Variants in CNTNAP2 observed in about 807,000 individuals in gnomAD.
The protein encoded by CNTNAP2 is contactin associated protein 2, also known as contactin-associated protein-like 2.
A neutral mutation model predicts 155.2 loss-of-function variants in CNTNAP2; 98 were observed. That is an observed-to-expected ratio of 0.63 (90% confidence interval 0.54 to 0.75). The LOEUF (loss-of-function observed/expected upper bound fraction) is 0.75. Ranked by LOEUF, CNTNAP2 falls within the 30% of genes least tolerant of loss-of-function variation. The pLI is 0.00. For synonymous variants in CNTNAP2, 651 were observed against 631.2 expected, an observed-to-expected ratio of 1.03 and a Z score of -0.47; for missense variants, 1,727 against 1,688.1, an observed-to-expected ratio of 1.02 and a Z score of -0.40.
chr7:146,396,690 T>G (rs1269752927), intron 1 of CNTNAP2, among the ~76,000 whole-genome samples: 1 of 149,026 alleles, frequency 6.7e-6, no homozygotes, highest in African/African-American at 2.5e-5. Flanking sequence ...TCTGTTAGTT[T>G]TGGAGAATAT....
intron 1 of CNTNAP2, among the ~76,000 whole-genome samples, chr7:146,651,919 A>T (rs1799919330): frequency 6.6e-6 from 1 of 152,180 alleles, no homozygotes; most frequent in South Asian, 2.1e-4. Context: ...CCACGTGCAC[A>T]CAATGGATGG....
chr7:146,643,241 A>G (rs375305222), intron 1 of CNTNAP2, among the ~76,000 whole-genome samples: 3 of 149,776 alleles, frequency 2.0e-5, no homozygotes, highest in East Asian at 3.9e-4. Flanking sequence ...GCCCATGCCT[A>G]TGTCCTGAAT....
At chr7:146,920,129 A>C (rs1796471924) in intron 3 of CNTNAP2, among the ~76,000 whole-genome samples, 1 of 152,214 alleles carries the variant, frequency 6.6e-6, no homozygotes, top group Non-Finnish European at 1.5e-5. Context: ...AATGTGAAAT[A>C]CTGGCCAGGC....
chr7:146,713,115 A>G (rs1481860285), intron 1 of CNTNAP2, among the ~76,000 whole-genome samples: 1 of 152,156 alleles, frequency 6.6e-6, no homozygotes, highest in African/African-American at 2.4e-5. Context: ...TAAATATAAC[A>G]TTAGTAATGC....
At chr7:148,369,957 G>C (rs1039756268) in intron 21 of CNTNAP2, among the ~76,000 whole-genome samples, 3 of 152,158 alleles carry the variant, frequency 2.0e-5, no homozygotes, top group Admixed American at 6.5e-5. Context: ...ATTCAAGAGA[G>C]ATTAGAATTC....
At chr7:146,451,148 G>A (rs1437594773) in intron 1 of CNTNAP2, among the ~76,000 whole-genome samples, 4 of 152,006 alleles carry the variant, frequency 2.6e-5, no homozygotes, top group Non-Finnish European at 5.9e-5. Flanking sequence ...GGGTTTCACC[G>A]TGTTAGCCAT....
chr7:147,314,354 C>G (rs1261925542), intron 9 of CNTNAP2, among the ~76,000 whole-genome samples: 2 of 151,970 alleles, frequency 1.3e-5, no homozygotes, highest in Non-Finnish European at 2.9e-5. Flanking sequence ...AATACTTTTC[C>G]AATCAAAAAA....
Position 147,319,643 on chromosome 7 carries a change from G to T in CNTNAP2, c.1498+19353G>T, listed in dbSNP as rs185851689. On this transcript the variant is annotated intron_variant, in intron 9 of 23. Coordinates refer to ENST00000361727, the MANE Select transcript of CNTNAP2 (RefSeq NM_014141.6). ...TTTGCCCACCTCGGCCTCCCAAATT[G>T]CTGGGATTACAGGCATGAGCCGTGA... is the stretch of plus-strand genomic sequence containing the variant. Among the ~76,000 whole-genome samples the T allele has an allele frequency of 1.6e-3, 246 of 152,282 alleles. 3 individuals carry two copies. Among genetic ancestry groups the T allele is most frequent in the African/African-American group, 5.7e-3 (235 of 41,556 alleles).
intron 20 of CNTNAP2, among the ~76,000 whole-genome samples, chr7:148,257,157 C>T (rs1232488312): frequency 6.6e-6 from 1 of 152,092 alleles, no homozygotes; most frequent in Non-Finnish European, 1.5e-5. Flanking sequence ...ACTGCATTCT[C>T]GCCTCTCCAT....
At chr7:148,386,192 C>T (rs58443341) in intron 22 of CNTNAP2, among the ~76,000 whole-genome samples, 2,296 of 152,170 alleles carry the variant, frequency 0.015, 69 homozygotes, top group African/African-American at 0.052. Context: ...CAGTGTCCAG[C>T]AGATGAAGTA....
intron 4 of CNTNAP2, chr7:147,085,929 G>A (rs1800267480): frequency 1.3e-5 from 2 of 152,166 alleles, no homozygotes; most frequent in Admixed American, 1.3e-4. Flanking sequence ...GCACACGAAA[G>A]CTCTGTAAGT....
At chr7:148,014,541 T>C (rs751132297) in intron 15 of CNTNAP2, among the ~76,000 whole-genome samples, 14 of 152,196 alleles carry the variant, frequency 9.2e-5, no homozygotes, top group Non-Finnish European at 2.1e-4. Context: ...TCTACTGATA[T>C]AATGGGCTGC....
At chr7:147,063,233 A>G (rs923332766) in intron 4 of CNTNAP2, among the ~76,000 whole-genome samples, 7 of 152,144 alleles carry the variant, frequency 4.6e-5, no homozygotes, top group African/African-American at 1.7e-4. Flanking sequence ...TTTCATTTCT[A>G]TTAGAAGTCA....
At chr7:146,560,245 T>C (rs1284056918) in intron 1 of CNTNAP2, among the ~76,000 whole-genome samples, 2 of 152,090 alleles carry the variant, frequency 1.3e-5, no homozygotes, top group Admixed American at 1.3e-4. Context: ...GCTTGATGGG[T>C]TCTTTTTAAT....
At chr7:147,877,196 C>A (rs1445424861) in intron 13 of CNTNAP2, among the ~76,000 whole-genome samples, 1 of 152,094 alleles carries the variant, frequency 6.6e-6, no homozygotes, top group African/African-American at 2.4e-5. Context: ...TGCTGATAGT[C>A]TATGGAATTG....
At chr7:147,253,539 A>C (rs1804252206) in intron 8 of CNTNAP2, among the ~76,000 whole-genome samples, 1 of 152,180 alleles carries the variant, frequency 6.6e-6, no homozygotes. Flanking sequence ...CCACATTGGG[A>C]ACAGGAAACC....
intron 12 of CNTNAP2, among the ~76,000 whole-genome samples, chr7:147,575,511 C>CTGTGTGTGTGTGTGTGTGTGTGTG (rs377290787): frequency 1.5e-5 from 2 of 132,672 alleles, no homozygotes; most frequent in South Asian, 2.5e-4. Flanking sequence ...GGGTATACAA[C>CTGTGTGTGTGTGTGTGTGTGTGTG]TGTGTGTGTG....
At chr7:146,759,344 G>A (rs1480752252) in intron 1 of CNTNAP2, among the ~76,000 whole-genome samples, 2 of 152,116 alleles carry the variant, frequency 1.3e-5, no homozygotes, top group Non-Finnish European at 2.9e-5. Flanking sequence ...TAAGGGAAAT[G>A]TGTGTGCTTA....
chr7:146,363,056 A>G (rs1235688220), intron 1 of CNTNAP2, among the ~76,000 whole-genome samples: 4 of 142,790 alleles, frequency 2.8e-5, no homozygotes, highest in South Asian at 2.1e-4. Context: ...GGTGTGAGCC[A>G]CCGCGCCTGG....
Sources: allele counts gnomAD v4.1 joint callset (sites outside exome capture counted in the v4.1 genomes callset), GRCh38; gene constraint gnomAD v4.1.1; transcripts MANE v1.5; gene names NCBI Gene and HGNC (gene_info 2026-07-23, HGNC 2026-07-21).